The following GABRB3 variants were observed in gnomAD, a reference collection of about 807,000 sequenced individuals.
GABRB3 encodes gamma-aminobutyric acid type A receptor subunit beta3.
Under a neutral mutation model 52.1 loss-of-function variants are expected in GABRB3, and 14 were observed. That is an observed-to-expected ratio of 0.27 (90% CI 0.18 to 0.42). The LOEUF (loss-of-function observed/expected upper bound fraction) is 0.42, where lower values mean the gene tolerates loss of function less well. Ranked by LOEUF, GABRB3 falls within the 10% of genes least tolerant of loss-of-function variation. The pLI is 1.00. For missense variants in GABRB3, 307 were observed against 609.1 expected (o/e 0.50, Z 5.22); for synonymous variants, 260 against 232.3 (o/e 1.12, Z -1.08).
intron 3 of GABRB3, among the ~76,000 whole-genome samples, chr15:26,678,883 T>C (rs761114578): frequency 5.3e-5 from 8 of 152,276 alleles, no homozygotes; most frequent in Admixed American, 1.3e-4. Flanking sequence ...AGCCCAGTGA[T>C]TGTAAAATTT....
intron 8 of GABRB3, among the ~76,000 whole-genome samples, chr15:26,551,002 A>G (rs542275780): frequency 3.9e-5 from 6 of 152,236 alleles, no homozygotes; most frequent in Non-Finnish European, 7.3e-5. Context: ...AGGCTTGAAG[A>G]GCACCTGAAA....
intron 4 of GABRB3, chr15:26,615,591 G>A (rs1302556095): frequency 1.8e-6 from 1 of 556,612 alleles, no homozygotes; most frequent in Non-Finnish European, 2.3e-6. Context: ...AGTCATCAGA[G>A]TTAAGGATTA....
Position 26,547,698 on chromosome 15 carries a change from G to T in GABRB3, c.*95C>A. The T allele has an allele frequency of 1.1e-6, 1 of 901,680 alleles. No individual in the cohort carries two copies. 55.9% of individuals were successfully genotyped at this position (901,680 alleles called of 1,614,324 possible). ...TATGTATATATGTGTGTGTCTGCTT[G>T]TGTGTCTGTGTGTGTACAGGTATAA... is the stretch of plus-strand genomic sequence containing the variant. On this transcript the variant is annotated 3_prime_UTR_variant, in exon 9 of 9. Coordinates refer to ENST00000311550, the MANE Select transcript of GABRB3 (RefSeq NM_000814.6).
rs888779804 is a variant in GABRB3 at position 26,551,121 on chromosome 15, G to A, written c.1081-2987C>T. 5.9e-5 allele frequency among the ~76,000 whole-genome samples: 9 copies of A among 152,176 alleles called. No individual in the cohort carries two copies. The South Asian group carries it at 1.9e-3, about 32-fold the overall frequency. On this transcript the variant is annotated intron_variant, in intron 8 of 8. Transcript: ENST00000311550. ...ACTTTCGTATCCTCTTATCATAGTAGGAAAGTACACCTAGTGCTGGGTGGA... is the reference window on the plus strand; with the variant it reads ...ACTTTCGTATCCTCTTATCATAGTAAGAAAGTACACCTAGTGCTGGGTGGA...
At chr15:26,608,126 C>T (rs35948970) in intron 4 of GABRB3, among the ~76,000 whole-genome samples, 1 of 148,304 alleles carries the variant, frequency 6.7e-6, no homozygotes, top group African/African-American at 2.5e-5. Context: ...AAGGCACATC[C>T]GCCAATGAAA....
chr15:26,709,908 A>T (rs1889240092), intron 3 of GABRB3, among the ~76,000 whole-genome samples: 1 of 152,068 alleles, frequency 6.6e-6, no homozygotes, highest in Non-Finnish European at 1.5e-5. Flanking sequence ...AGTTTTAGAA[A>T]ATTTCCATCA....
At chr15:26,634,540 A>C (rs973348244) in intron 3 of GABRB3, among the ~76,000 whole-genome samples, 4 of 152,138 alleles carry the variant, frequency 2.6e-5, no homozygotes, top group Admixed American at 6.5e-5. Flanking sequence ...AACGGATTAG[A>C]GGATGAGTGC....
chr15:26,604,293 C>A (rs1224680511), intron 4 of GABRB3, among the ~76,000 whole-genome samples: 1 of 151,994 alleles, frequency 6.6e-6, no homozygotes, highest in Non-Finnish European at 1.5e-5. Flanking sequence ...AAAGGTATTC[C>A]ATGTTCATGG....
intron 4 of GABRB3, among the ~76,000 whole-genome samples, chr15:26,596,090 A>G (rs546189800): frequency 2.6e-5 from 4 of 152,094 alleles, no homozygotes; most frequent in Non-Finnish European, 5.9e-5. Flanking sequence ...AGAACTACCC[A>G]ACATCAGGGT....
chr15:26,549,099 G>C (rs1322970038), intron 8 of GABRB3, among the ~76,000 whole-genome samples: 1 of 152,136 alleles, frequency 6.6e-6, no homozygotes, highest in African/African-American at 2.4e-5. Context: ...AGCCTACCCC[G>C]TGTTCCTGTA....
chr15:26,548,201 C>T, intron 8 of GABRB3, 67 bp from the exon 9 acceptor site: 1 of 1,210,498 alleles, frequency 8.3e-7, no homozygotes, highest in Non-Finnish European at 1.2e-6. Flanking sequence ...AGATCCCGGA[C>T]AGAATGATGT....
intron 3 of GABRB3, among the ~76,000 whole-genome samples, chr15:26,681,780 A>C (rs1888248372): frequency 6.6e-6 from 1 of 152,108 alleles, no homozygotes; most frequent in African/African-American, 2.4e-5. Context: ...TGGGAAACAC[A>C]GTAAGATCCT....
intron 3 of GABRB3, among the ~76,000 whole-genome samples, chr15:26,696,429 A>G (rs1203988305): frequency 6.6e-6 from 1 of 151,512 alleles, no homozygotes; most frequent in East Asian, 1.9e-4. Context: ...AGGCCCGATG[A>G]CGTAGAGCAG....
At chr15:26,732,722 C>T (rs766770846) in intron 3 of GABRB3, among the ~76,000 whole-genome samples, 6 of 152,098 alleles carry the variant, frequency 3.9e-5, no homozygotes, top group African/African-American at 1.4e-4. Flanking sequence ...CACGCGCTAC[C>T]GTGGCCAGCT....
At chr15:26,622,735 G>A in intron 3 of GABRB3, among the ~76,000 whole-genome samples, 1 of 152,168 alleles carries the variant, frequency 6.6e-6, no homozygotes, top group East Asian at 1.9e-4. Flanking sequence ...GTTTATTGCT[G>A]CTCTCAATAG....
At chr15:26,714,767 C>G (rs1389887956) in intron 3 of GABRB3, among the ~76,000 whole-genome samples, 1 of 152,078 alleles carries the variant, frequency 6.6e-6, no homozygotes, top group Non-Finnish European at 1.5e-5. Context: ...TCCTTTCACA[C>G]TATCTATTAT....
chr15:26,706,228 T>C lies in GABRB3; in HGVS notation c.240+66174A>G, dbSNP rs539977983. 3.9e-5 allele frequency among the ~76,000 whole-genome samples: 6 copies of C among 152,242 alleles called. No individual in the cohort carries two copies. In the East Asian group the frequency reaches 5.8e-4, roughly 15 times the overall value. On this transcript the variant is annotated intron_variant, in intron 3 of 8. Transcript: ENST00000311550. ...ACTCAACGGGGTCCCAGCACAAAAA[T>C]TGAACCTGGCACAGCGCCTGAGGCA...
intron 3 of GABRB3, among the ~76,000 whole-genome samples, chr15:26,632,032 C>G (rs1223282602): frequency 6.6e-6 from 1 of 152,162 alleles, no homozygotes; most frequent in East Asian, 1.9e-4. Context: ...GGAGAAGCAG[C>G]TTTGGAAGCG....
intron 3 of GABRB3, among the ~76,000 whole-genome samples, chr15:26,650,308 G>T (rs1452776486): frequency 1.3e-5 from 2 of 152,046 alleles, no homozygotes; most frequent in Non-Finnish European, 2.9e-5. Flanking sequence ...CCTCACCCCA[G>T]CCCCATGCAT....
Sources: gnomAD v4.1 joint callset for allele counts (sites outside exome capture counted in the v4.1 genomes callset) on GRCh38, gnomAD v4.1.1 for gene constraint, MANE v1.5 for transcripts, NCBI Gene and HGNC (gene_info 2026-07-23, HGNC 2026-07-21) for gene names.